RIMS1: variants seen among roughly 807,000 people sequenced by gnomAD.
The protein encoded by RIMS1 is regulating synaptic membrane exocytosis protein 1.
In RIMS1, 83 loss-of-function variants were observed where a neutral mutation model predicts 214.1. The ratio of observed to expected loss-of-function variants is 0.39; its 90% CI spans 0.32 to 0.47. RIMS1 has a LOEUF of 0.47. Ranked by LOEUF, RIMS1 falls within the 20% of genes least tolerant of loss-of-function variation. The probability of loss-of-function intolerance (pLI) is 0.99; values close to 1 mark genes in which losing one functional copy is unlikely to be tolerated. For missense variants in RIMS1, 2,050 were observed against 2,161.8 expected, an observed-to-expected ratio of 0.95 and a Z score of 1.03; for synonymous variants, 793 against 786.8, an observed-to-expected ratio of 1.01 and a Z score of -0.13.
intron 26 of RIMS1, among the ~76,000 whole-genome samples, chr6:72,305,065 T>G (rs1265728558): frequency 6.6e-6 from 1 of 152,034 alleles, no homozygotes; most frequent in African/African-American, 2.4e-5. Context: ...AGAACCATTT[T>G]TAGATTCATG....
chr6:72,366,179 G>A (rs1003049195), intron 29 of RIMS1, among the ~76,000 whole-genome samples: 2 of 152,210 alleles, frequency 1.3e-5, no homozygotes, highest in South Asian at 4.1e-4. Context: ...AGGGTGGGAC[G>A]TGAAACGACA....
intron 19 of RIMS1, chr6:72,263,546 A>T: frequency 1.0e-6 from 1 of 985,124 alleles, no homozygotes; most frequent in Non-Finnish European, 1.2e-6. Context: ...TTCTATGTTG[A>T]TCCCATTCTT....
At chr6:72,002,268 T>A (rs1260885498) in intron 2 of RIMS1, among the ~76,000 whole-genome samples, 1 of 152,030 alleles carries the variant, frequency 6.6e-6, no homozygotes, top group Non-Finnish European at 1.5e-5. Flanking sequence ...GGAGCAGCTG[T>A]TACTAAGGCT....
intron 2 of RIMS1, among the ~76,000 whole-genome samples, chr6:72,015,482 G>A (rs1812392712): frequency 6.6e-6 from 1 of 152,132 alleles, no homozygotes; most frequent in Non-Finnish European, 1.5e-5. Context: ...AATAGGAATA[G>A]TATTCTTTGT....
chr6:72,337,816 C>T (rs2096897908), intron 29 of RIMS1, among the ~76,000 whole-genome samples: 1 of 147,106 alleles, frequency 6.8e-6, no homozygotes, highest in African/African-American at 2.5e-5. Context: ...GTTCAATTCC[C>T]ACCTATGAGT....
At chr6:72,172,314 C>A (rs1588509543) in intron 4 of RIMS1, among the ~76,000 whole-genome samples, 2 of 152,070 alleles carry the variant, frequency 1.3e-5, no homozygotes, top group South Asian at 4.2e-4. Context: ...ATATGTAATA[C>A]CACATATAAC....
chr6:72,075,027 T>A (rs1831454049), intron 2 of RIMS1, among the ~76,000 whole-genome samples: 1 of 152,156 alleles, frequency 6.6e-6, no homozygotes, highest in African/African-American at 2.4e-5. Context: ...GTTCAAGGCA[T>A]AGTCCTGATC....
intron 2 of RIMS1, among the ~76,000 whole-genome samples, chr6:72,025,603 T>A (rs192149349): frequency 6.6e-6 from 1 of 152,322 alleles, no homozygotes; most frequent in African/African-American, 2.4e-5. Flanking sequence ...CAAAATAATA[T>A]TTTGTCTAGT....
intron 1 of RIMS1, among the ~76,000 whole-genome samples, chr6:71,924,226 C>T (rs531170029): frequency 2.4e-4 from 37 of 152,260 alleles, no homozygotes; most frequent in Non-Finnish European, 4.3e-4. Flanking sequence ...ATAATGTCCT[C>T]AGCTCTCTAC....
intron 2 of RIMS1, among the ~76,000 whole-genome samples, chr6:72,073,474 A>G (rs1271338160): frequency 6.6e-6 from 1 of 152,232 alleles, no homozygotes; most frequent in Non-Finnish European, 1.5e-5. Context: ...CCAAAAATTC[A>G]GTAAAGATAA....
At chr6:72,339,662 A>G (rs2096977046) in intron 29 of RIMS1, among the ~76,000 whole-genome samples, 1 of 151,892 alleles carries the variant, frequency 6.6e-6, no homozygotes, top group East Asian at 1.9e-4. Flanking sequence ...TATGTGCCAC[A>G]TTTTCTTCAT....
chr6:72,201,645 G>A (rs555904992), intron 6 of RIMS1, among the ~76,000 whole-genome samples: 76 of 152,264 alleles, frequency 5.0e-4, no homozygotes, highest in Non-Finnish European at 9.6e-4. Context: ...TTTATTATAT[G>A]CAGATGGAAG....
At chr6:71,909,983 T>C (rs1445949962) in intron 1 of RIMS1, among the ~76,000 whole-genome samples, 1 of 152,188 alleles carries the variant, frequency 6.6e-6, no homozygotes, top group Non-Finnish European at 1.5e-5. Flanking sequence ...AATTATTTGC[T>C]GTAAGTTAAA....
At chr6:72,027,243 C>A (rs1246567320) in intron 2 of RIMS1, among the ~76,000 whole-genome samples, 3 of 152,112 alleles carry the variant, frequency 2.0e-5, no homozygotes, top group African/African-American at 7.2e-5. Flanking sequence ...AACCCGGAAC[C>A]TGAGCCCAGG....
intron 1 of RIMS1, among the ~76,000 whole-genome samples, chr6:71,930,855 A>G (rs1225505285): frequency 6.6e-6 from 1 of 152,084 alleles, no homozygotes; most frequent in East Asian, 1.9e-4. Flanking sequence ...TGGAAAAATC[A>G]GAATGGATTA....
intron 1 of RIMS1, among the ~76,000 whole-genome samples, chr6:71,899,170 T>A (rs1179471208): frequency 6.6e-6 from 1 of 152,160 alleles, no homozygotes; most frequent in Non-Finnish European, 1.5e-5. Flanking sequence ...ATTTCTTAAT[T>A]GTGATAATTT....
chr6:71,939,883 T>C (rs1785529880), intron 1 of RIMS1, among the ~76,000 whole-genome samples: 1 of 152,210 alleles, frequency 6.6e-6, no homozygotes, highest in Non-Finnish European at 1.5e-5. Context: ...ATAACTCAAT[T>C]TGAAATAACC....
chr6:72,011,512 C>A (rs1810591915), intron 2 of RIMS1, among the ~76,000 whole-genome samples: 1 of 152,082 alleles, frequency 6.6e-6, no homozygotes, highest in African/African-American at 2.4e-5. Flanking sequence ...TTCTGCACAG[C>A]AAAAGAAACT....
chr6:72,361,096 C>CTTTTTTTTTTT (rs70994124), intron 29 of RIMS1, among the ~76,000 whole-genome samples: 3 of 54,388 alleles, frequency 5.5e-5, no homozygotes, highest in African/African-American at 7.7e-5. Flanking sequence ...GTCTTTCTTT[C>CTTTTTTTTTTT]TTTTTTTTTT....
Sources: allele counts gnomAD v4.1 joint callset (sites outside exome capture counted in the v4.1 genomes callset), GRCh38; gene constraint gnomAD v4.1.1; transcripts MANE v1.5; gene names NCBI Gene and HGNC (gene_info 2026-07-23, HGNC 2026-07-21).